SLC2A1: variants seen among roughly 807,000 people sequenced by gnomAD.
SLC2A1 encodes solute carrier family 2, facilitated glucose transporter member 1.
SLC2A1 carries 4 observed loss-of-function variants against 46.6 expected under a neutral mutation model. The observed-to-expected ratio is 0.09, with a 90% CI of 0.04 to 0.20. SLC2A1 has a LOEUF of 0.20. Among genes scored for constraint, SLC2A1 ranks in the 10% least tolerant of loss-of-function variants. The pLI is 1.00. For missense variants in SLC2A1, 352 were observed against 667.0 expected (o/e 0.53, Z 5.20); for synonymous variants, 253 against 270.0 (o/e 0.94, Z 0.62).
intron 1 of SLC2A1, among the ~76,000 whole-genome samples, chr1:42,957,946 G>A (rs949249976): frequency 2.0e-5 from 3 of 152,164 alleles, no homozygotes; most frequent in Admixed American, 1.3e-4. Flanking sequence ...CAAAGCTTTG[G>A]GGCCTGCACT....
chr1:42,946,345 T>C (rs1278746685), intron 1 of SLC2A1, among the ~76,000 whole-genome samples: 1 of 152,178 alleles, frequency 6.6e-6, no homozygotes, highest in Non-Finnish European at 1.5e-5. Flanking sequence ...ACCCATGCTC[T>C]AGGTCTCATG....
At chr1:42,948,404 G>C (rs972459900) in intron 1 of SLC2A1, among the ~76,000 whole-genome samples, 2 of 152,138 alleles carry the variant, frequency 1.3e-5, no homozygotes, top group African/African-American at 4.8e-5. Context: ...CCTGGCAAGA[G>C]GAGGGTCCCA....
At chr1:42,940,954 C>A (rs555303024) in intron 2 of SLC2A1, among the ~76,000 whole-genome samples, 15 of 152,316 alleles carry the variant, frequency 9.8e-5, no homozygotes, top group Admixed American at 2.0e-4. Context: ...CCTGGCACAC[C>A]TGCTCCTTCT....
At position 42,954,417 on chromosome 1, in the gene SLC2A1, C is replaced by T. The variant is rs577291178; in HGVS notation, c.18+4217G>A. On this transcript the variant is annotated intron_variant, in intron 1 of 9. Coordinates refer to ENST00000426263, the MANE Select transcript of SLC2A1 (RefSeq NM_006516.4). This position sits in a 1 kb window ranked among gnomAD's most constrained non-coding sequence, Gnocchi z 4.2. The stretch of plus-strand genomic sequence containing the variant: ...GCACATGCCTGTAATCCCAGCTACT[C>T]GGGAGGCTGAGGCAGGAGAACCACT... 1.6e-4 allele frequency among the ~76,000 whole-genome samples: 24 copies of T among 152,164 alleles called. No individual in the cohort carries two copies. Among genetic ancestry groups the T allele is most frequent in the East Asian group, 3.9e-4 (2 of 5,176 alleles).
Position 42,931,056 on chromosome 1 carries a change from G to A in SLC2A1, c.265C>T (p.Arg89Cys). The change falls in exon 3 of 10, where the codon CGC (arginine) becomes TGC (cysteine). Residue 89 changes from arginine to cysteine, a missense_variant. By Grantham distance (180) the Arg-to-Cys change is radical (BLOSUM62 -3). Around this residue, in one of 5 missense-constraint regions of SLC2A1, gnomAD observed 97 missense variants for 175.6 expected, o/e 0.55. Coordinates refer to ENST00000426263, the MANE Select transcript of SLC2A1 (RefSeq NM_006516.4). ...ACCTCTCCTACTTACCGGCCAAAGC[G>A]GTTAACGAAAAGGCCCACAGAGAAG... Reference protein sequence around the residue: ...GSFSVGLFVNRFGRRNSMLMM... With the variant: ...GSFSVGLFVNCFGRRNSMLMM... 1.9e-6 allele frequency: 3 copies of A among 1,614,134 alleles called. No homozygotes were observed. Among genetic ancestry groups the A allele is most frequent in the Non-Finnish European group, 2.5e-6 (3 of 1,180,006 alleles).
At position 42,929,829 on chromosome 1, in the gene SLC2A1, C is replaced by A. The variant is rs568867771; in HGVS notation, c.679+44G>T. 3.7e-6 allele frequency: 6 copies of A among 1,614,126 alleles called. No homozygotes were observed. The African/African-American group carries it at 8.0e-5, about 22-fold the overall frequency. On this transcript the variant is annotated intron_variant, in intron 5 of 9. Coordinates refer to ENST00000426263, the MANE Select transcript of SLC2A1 (RefSeq NM_006516.4). This position sits in a 1 kb window ranked among gnomAD's most constrained non-coding sequence, Gnocchi z 6.0. ...AGGGTGGCTCAGAGTGGGAAGAAGG[C>A]CAGGGCTCAGGGAGTGGGGAGGAGG... is the stretch of plus-strand genomic sequence containing the variant.
In SLC2A1 at chr1:42,927,274, C is replaced by T; in HGVS notation, c.1279-33G>A. 1 of 1,595,922 alleles carries T rather than the reference C, an allele frequency of 6.3e-7. No homozygotes were observed. On this transcript the variant is annotated intron_variant, in intron 9 of 9. Coordinates refer to ENST00000426263, the MANE Select transcript of SLC2A1 (RefSeq NM_006516.4). The surrounding 1 kb of genome is among the most constrained non-coding windows in gnomAD (Gnocchi z 5.3). ...ACACACAGACACACTTGGTTGGAGT[C>T]ATGACCCTACATCCTGGCTGTAGGA...
intron 2 of SLC2A1, among the ~76,000 whole-genome samples, chr1:42,931,771 A>G (rs1213733740): frequency 6.8e-6 from 1 of 147,122 alleles, no homozygotes; most frequent in Non-Finnish European, 1.5e-5. Context: ...GTTTGCAGTG[A>G]GCCAAGACTG....
intron 2 of SLC2A1, among the ~76,000 whole-genome samples, chr1:42,940,711 G>A (rs1309764633): frequency 6.6e-6 from 1 of 152,168 alleles, no homozygotes; most frequent in Non-Finnish European, 1.5e-5. Flanking sequence ...GCCTCCCAAA[G>A]TGCTGGGATT....
chr1:42,946,497 T>C (rs1570603220), intron 1 of SLC2A1, among the ~76,000 whole-genome samples: 1 of 152,066 alleles, frequency 6.6e-6, no homozygotes, highest in African/African-American at 2.4e-5. Flanking sequence ...AGGGGGCTGG[T>C]ATGAGGCACT....
chr1:42,951,480 T>G (rs145621895), intron 1 of SLC2A1: 1 of 184,398 alleles, frequency 5.4e-6, no homozygotes, highest in Non-Finnish European at 1.1e-5. Context: ...AAGGGTTGGT[T>G]TGGTGAACAG....
intron 2 of SLC2A1, among the ~76,000 whole-genome samples, chr1:42,937,033 T>C (rs888537540): frequency 1.2e-4 from 19 of 152,154 alleles, no homozygotes; most frequent in Non-Finnish European, 2.4e-4. Flanking sequence ...CATCCTCCAA[T>C]GCATGGGACA....
intron 2 of SLC2A1, among the ~76,000 whole-genome samples, chr1:42,933,118 T>C (rs1643509014): frequency 6.6e-6 from 1 of 152,176 alleles, no homozygotes; most frequent in South Asian, 2.1e-4. Flanking sequence ...TGCTTCACAG[T>C]GCTGCAGGGA....
In SLC2A1 at chr1:42,926,206, G is replaced by A. The variant is rs776804434; in HGVS notation, c.*835C>T. 1.3e-5 allele frequency: 2 copies of A among 152,696 alleles called. No homozygotes were observed. The highest frequency in any genetic ancestry group is 2.1e-4 in the South Asian group (1 of 4,826). 9.5% of individuals were successfully genotyped at this position (152,696 alleles called of 1,614,324 possible). On this transcript the variant is annotated 3_prime_UTR_variant, in exon 10 of 10. Coordinates refer to ENST00000426263, the MANE Select transcript of SLC2A1 (RefSeq NM_006516.4). ...TGTTTAGGTAAGTAACAGGAGTGAG[G>A]TGGTGTATTTACAAGTTGGCTTGTC... is the stretch of plus-strand genomic sequence containing the variant.
intron 1 of SLC2A1, among the ~76,000 whole-genome samples, chr1:42,947,158 C>T (rs1305478861): frequency 7.9e-5 from 12 of 152,136 alleles, no homozygotes; most frequent in Admixed American, 7.2e-4. Flanking sequence ...ATTCACTCAA[C>T]GTGTATTTAT....
Position 42,926,791 on chromosome 1 carries a change from A to G in SLC2A1, c.*250T>C. On this transcript the variant is annotated 3_prime_UTR_variant, in exon 10 of 10. Transcript: ENST00000426263. Reference sequence around the variant, plus strand: ...CTCAGGCTGATATAAAAATAACAAAATCAGTAATAAAAAAATTATAAAACC... The same window carrying G: ...CTCAGGCTGATATAAAAATAACAAAGTCAGTAATAAAAAAATTATAAAACC... 1 of 1,480,422 alleles carries G rather than the reference A, an allele frequency of 6.8e-7. No homozygotes were observed. Among genetic ancestry groups the G allele is most frequent in the Non-Finnish European group, 8.9e-7 (1 of 1,119,654 alleles). The allele number at this position is 1,480,422 out of a possible 1,614,324, so 91.7% of individuals were successfully genotyped here.
intron 2 of SLC2A1, among the ~76,000 whole-genome samples, chr1:42,932,280 T>G (rs1442641408): frequency 8.0e-6 from 1 of 125,670 alleles, no homozygotes; most frequent in Non-Finnish European, 1.7e-5. Flanking sequence ...GCCCCCACCC[T>G]GGCCAGCTCC....
rs1284491351 is a variant in SLC2A1, at chr1:42,930,324, G to C, written c.517-289C>G. 10 of 628,486 alleles carry C rather than the reference G, an allele frequency of 1.6e-5. No homozygotes were observed. In the East Asian group the frequency reaches 2.5e-4, roughly 16 times the overall value. The allele number at this position is 628,486 out of a possible 1,614,324, so 38.9% of individuals were successfully genotyped here. A position where few individuals can be genotyped will look rare whatever the true frequency, so the allele number is the denominator to read the frequency against. On this transcript the variant is annotated intron_variant, in intron 4 of 9. Coordinates refer to ENST00000426263, the MANE Select transcript of SLC2A1 (RefSeq NM_006516.4). The surrounding 1 kb of genome is among the most constrained non-coding windows in gnomAD (Gnocchi z 6.2). ...GCCACAAGAGGGTTTTGGGGACAGGGAAGGGGAAGCCTCCTGGAGAGAGGG... is the reference window on the plus strand; with the variant it reads ...GCCACAAGAGGGTTTTGGGGACAGGCAAGGGGAAGCCTCCTGGAGAGAGGG...
At position 42,943,213 on chromosome 1, in the gene SLC2A1, G is replaced by T; in HGVS notation, c.114+13C>A. 6.3e-7 allele frequency: 1 copy of T among 1,584,552 alleles called. No homozygotes were observed. The highest frequency in any genetic ancestry group is 1.1e-5 in the South Asian group (1 of 90,092). On this transcript the variant is annotated intron_variant, in intron 2 of 9. Coordinates refer to ENST00000426263, the MANE Select transcript of SLC2A1 (RefSeq NM_006516.4). ...GGCTGGTGTCCATAAGCCAACGATG[G>T]CACAGTACTCACCTTCTGGGGGGCA...
Sources: gnomAD v4.1 joint callset for allele counts (sites outside exome capture counted in the v4.1 genomes callset) on GRCh38, gnomAD v4.1.1 for gene constraint, gnomAD v4.1.1 regional missense constraint, Gnocchi (gnomAD v3.1) non-coding constraint, MANE v1.5 for transcripts, NCBI Gene and HGNC (gene_info 2026-07-23, HGNC 2026-07-21) for gene names.